The following TIMP2 variants were observed in gnomAD, a reference collection of about 807,000 sequenced individuals.
TIMP2 encodes the protein metalloproteinase inhibitor 2.
In TIMP2, 5 loss-of-function variants were observed where a neutral mutation model predicts 24.3. The observed-to-expected ratio is 0.21, with a 90% CI of 0.11 to 0.43. The LOEUF (loss-of-function observed/expected upper bound fraction) is 0.43, where lower values mean the gene tolerates loss of function less well. Ranked by LOEUF, TIMP2 falls within the 20% of genes least tolerant of loss-of-function variation. The pLI is 1.00. For synonymous variants in TIMP2, 130 were observed against 123.2 expected (o/e 1.06, Z -0.37); for missense variants, 221 against 297.5 (o/e 0.74, Z 1.89).
chr17:78,907,510 G>A (rs574829983), intron 1 of TIMP2, among the ~76,000 whole-genome samples: 6 of 152,274 alleles, frequency 3.9e-5, no homozygotes, highest in Non-Finnish European at 7.3e-5. Flanking sequence ...ACAGTTCATG[G>A]TGCCCCAAAA....
intron 1 of TIMP2, chr17:78,904,688 C>G (rs987824507): frequency 6.6e-6 from 1 of 152,160 alleles, no homozygotes; most frequent in African/African-American, 2.4e-5. Context: ...GCTGGGAAAA[C>G]GTGATTTCTG....
intron 2 of TIMP2, among the ~76,000 whole-genome samples, chr17:78,872,584 C>T (rs2069695227): frequency 6.6e-6 from 1 of 152,100 alleles, no homozygotes; most frequent in Non-Finnish European, 1.5e-5. Context: ...CCAGCTTGTA[C>T]CAGGAAAGGT....
chr17:78,921,713 T>C (rs1163052084), intron 1 of TIMP2, among the ~76,000 whole-genome samples: 1 of 152,214 alleles, frequency 6.6e-6, no homozygotes, highest in Non-Finnish European at 1.5e-5. Flanking sequence ...CTGGCCTTGC[T>C]GGAAAGGACA....
intron 1 of TIMP2, among the ~76,000 whole-genome samples, chr17:78,879,270 G>A (rs1332504114): frequency 1.3e-5 from 2 of 152,188 alleles, no homozygotes; most frequent in Admixed American, 6.5e-5. Flanking sequence ...GAGCTCTCCG[G>A]AATACATTTC....
chr17:78,869,414 CA>C (rs34151423), intron 3 of TIMP2, among the ~76,000 whole-genome samples: 111,449 of 135,816 alleles, frequency 0.82, 44,819 homozygotes, highest in Admixed American at 0.85. Flanking sequence ...GACTTTGTCT[CA>C]AAAAAAAAAA....
chr17:78,889,585 C>A (rs939124604), intron 1 of TIMP2, among the ~76,000 whole-genome samples: 1 of 152,218 alleles, frequency 6.6e-6, no homozygotes, highest in East Asian at 1.9e-4. Flanking sequence ...GCCCGTCTGA[C>A]CTTGGGTGCC....
chr17:78,885,285 G>A (rs1385666368), intron 1 of TIMP2, among the ~76,000 whole-genome samples: 1 of 152,238 alleles, frequency 6.6e-6, no homozygotes, highest in African/African-American at 2.4e-5. Context: ...CCCAAGGGTG[G>A]GGGCAGAAGC....
chr17:78,902,486 C>A (rs1301218880), intron 1 of TIMP2, among the ~76,000 whole-genome samples: 1 of 152,166 alleles, frequency 6.6e-6, no homozygotes, highest in Non-Finnish European at 1.5e-5. Flanking sequence ...CTGGCTAGGC[C>A]CACAGCAGGC....
Position 78,896,352 on chromosome 17 carries a change from C to T in TIMP2, c.131-22433G>A, listed in dbSNP as rs906246460. On this transcript the variant is annotated intron_variant, in intron 1 of 4. Transcript: ENST00000262768. The surrounding 1 kb of genome is among the most constrained non-coding windows in gnomAD (Gnocchi z 4.4). ...GGATGCCTGCCTCTGCCTGTGATGC[C>T]CAGGCTGATCTCCAGGCAGCCCAGT... Among the ~76,000 whole-genome samples, 1 of 152,190 alleles carries T rather than the reference C, an allele frequency of 6.6e-6. No homozygotes were observed. Among genetic ancestry groups the T allele is most frequent in the African/African-American group, 2.4e-5 (1 of 41,450 alleles).
chr17:78,903,352 G>C (rs939563021), intron 1 of TIMP2: 1 of 152,468 alleles, frequency 6.6e-6, no homozygotes, highest in African/African-American at 2.4e-5. Context: ...GGGAGCCATG[G>C]GGGCACCTGA....
chr17:78,903,513 G>A (rs2070126874), intron 1 of TIMP2, among the ~76,000 whole-genome samples: 2 of 152,158 alleles, frequency 1.3e-5, no homozygotes, highest in East Asian at 3.9e-4. Context: ...GGCCATTAAG[G>A]AGGTACACTT....
intron 3 of TIMP2, among the ~76,000 whole-genome samples, chr17:78,865,624 C>CAAAAAAAAAAAA (rs35179698): frequency 8.5e-6 from 1 of 117,728 alleles, no homozygotes; most frequent in Non-Finnish European, 1.7e-5. Context: ...AACTCTGTCT[C>CAAAAAAAAAAAA]AAAAAAAAAA....
chr17:78,893,224 GGTGT>G (rs544733250), intron 1 of TIMP2, among the ~76,000 whole-genome samples: 1 of 135,228 alleles, frequency 7.4e-6, no homozygotes, highest in South Asian at 2.5e-4. Flanking sequence ...TGTGTGCAGG[GGTGT>G]GTGTGCATGT....
rs71161632 is a variant in TIMP2, at chr17:78,854,921, C to CGGGGGGGGGGGGGGGGGGGGGGGG, written c.*745_*746insCCCCCCCCCCCCCCCCCCCCCCCC. On this transcript the variant is annotated 3_prime_UTR_variant, in exon 5 of 5. Transcript: ENST00000262768. ...TCCTGCAAGCTGGGGAGCATGTGGG[C>CGGGGGGGGGGGGGGGGGGGGGGGG]GGGGGGGGGGGGGTGGGGGGGTGGG... The CGGGGGGGGGGGGGGGGGGGGGGGG allele has an allele frequency of 2.0e-4, 8 of 39,114 alleles. No individual in the cohort carries two copies. Among genetic ancestry groups the CGGGGGGGGGGGGGGGGGGGGGGGG allele is most frequent in the Admixed American group, 5.6e-4 (2 of 3,596 alleles). The allele number at this position is 39,114 out of a possible 1,614,324, so 2.4% of individuals were successfully genotyped here. A position where few individuals can be genotyped will look rare whatever the true frequency, so the allele number is the denominator to read the frequency against.
chr17:78,903,872 TG>T (rs1338234684), intron 1 of TIMP2, among the ~76,000 whole-genome samples: 2 of 151,850 alleles, frequency 1.3e-5, no homozygotes, highest in Non-Finnish European at 2.9e-5. Context: ...CTAGTCTGGG[TG>T]GTTGGCATCT....
In TIMP2 at chr17:78,855,401, C is replaced by T. The variant is rs1231926452; in HGVS notation, c.*266G>A. ...AGGGACTGGGAGGGAAGCCGCGTGT[C>T]CCAGCCCTGCCTGCACCCAAGGATC... On this transcript the variant is annotated 3_prime_UTR_variant, in exon 5 of 5. Transcript: ENST00000262768. This position sits in a 1 kb window ranked among gnomAD's most constrained non-coding sequence, Gnocchi z 6.0. 5.8e-6 allele frequency: 3 copies of T among 514,728 alleles called. No individual in the cohort carries two copies. The highest frequency in any genetic ancestry group is 1.1e-5 in the Non-Finnish European group (3 of 283,604). The allele number at this position is 514,728 out of a possible 1,614,324, so 31.9% of individuals were successfully genotyped here.
At chr17:78,874,475 C>T (rs2069712142) in intron 1 of TIMP2, among the ~76,000 whole-genome samples, 1 of 152,192 alleles carries the variant, frequency 6.6e-6, no homozygotes, top group Non-Finnish European at 1.5e-5. Flanking sequence ...TTAAAGGGGC[C>T]TTAAACGTAC....
chr17:78,891,951 C>T lies in TIMP2; in HGVS notation c.131-18032G>A. 1 of 1,550,596 alleles carries T rather than the reference C, an allele frequency of 6.4e-7. No homozygotes were observed. Among genetic ancestry groups the T allele is most frequent in the Non-Finnish European group, 8.7e-7 (1 of 1,147,008 alleles). ...CTGGAGTGCCTGGGGTGTTGCTGGCCCAACTCTTCCCTGCAACTCCTCTCT... is the reference window on the plus strand; with the variant it reads ...CTGGAGTGCCTGGGGTGTTGCTGGCTCAACTCTTCCCTGCAACTCCTCTCT... On this transcript the variant is annotated intron_variant, in intron 1 of 4. Transcript: ENST00000262768. The surrounding 1 kb of genome is among the most constrained non-coding windows in gnomAD (Gnocchi z 4.5).
chr17:78,866,875 G>C (rs1033228928), intron 3 of TIMP2, among the ~76,000 whole-genome samples: 1 of 152,132 alleles, frequency 6.6e-6, no homozygotes, highest in Non-Finnish European at 1.5e-5. Flanking sequence ...GGCTGGGGGA[G>C]GGGGAGGGGA....
Sources: gnomAD v4.1 joint callset for allele counts (sites outside exome capture counted in the v4.1 genomes callset) on GRCh38, gnomAD v4.1.1 for gene constraint, Gnocchi (gnomAD v3.1) non-coding constraint, MANE v1.5 for transcripts, NCBI Gene and HGNC (gene_info 2026-07-23, HGNC 2026-07-21) for gene names.